The following TMCC1 variants were observed in gnomAD, a reference collection of about 807,000 sequenced individuals.
TMCC1 encodes the protein transmembrane and coiled-coil domain family 1.
TMCC1 carries 15 observed loss-of-function variants against 52.4 expected under a neutral mutation model. The observed-to-expected ratio is 0.29, with a 90% CI of 0.19 to 0.44. The LOEUF is 0.44. Among genes scored for constraint, TMCC1 ranks in the 20% least tolerant of loss-of-function variants. TMCC1 has a pLI of 1.00. For missense variants in TMCC1, 503 were observed against 806.0 expected, an observed-to-expected ratio of 0.62 and a Z score of 4.55; for synonymous variants, 279 against 301.9, an observed-to-expected ratio of 0.92 and a Z score of 0.79.
chr3:129,886,150 A>G (rs1300788439), intron 1 of TMCC1, among the ~76,000 whole-genome samples: 1 of 152,226 alleles, frequency 6.6e-6, no homozygotes, highest in African/African-American at 2.4e-5. Flanking sequence ...TCTCAGATAG[A>G]TAACTGAATG....
intron 4 of TMCC1, among the ~76,000 whole-genome samples, chr3:129,791,127 T>G (rs1402887842): frequency 7.5e-6 from 1 of 133,366 alleles, no homozygotes; most frequent in Non-Finnish European, 1.5e-5. Flanking sequence ...GGAGTCTCCC[T>G]CTGTCGCCCA....
Position 129,829,816 on chromosome 3 carries a change from T to C in TMCC1, c.-130-1308A>G, listed in dbSNP as rs72987362. On this transcript the variant is annotated intron_variant, in intron 3 of 6. Coordinates refer to ENST00000393238, the MANE Select transcript of TMCC1 (RefSeq NM_001017395.5). Reference sequence around the variant, plus strand: ...GAGTTCCCTGTGAACTCAAGGCTACTAGAGTTTAGTGGAACAGGAATGCAA... The same window carrying C: ...GAGTTCCCTGTGAACTCAAGGCTACCAGAGTTTAGTGGAACAGGAATGCAA... 8.0e-3 allele frequency among the ~76,000 whole-genome samples: 1,213 copies of C among 152,320 alleles called. 10 individuals carry two copies. The highest frequency in any genetic ancestry group is 0.027 in the African/African-American group (1,108 of 41,576).
chr3:129,805,893 C>CT (rs2057432787), intron 4 of TMCC1, among the ~76,000 whole-genome samples: 1 of 151,976 alleles, frequency 6.6e-6, no homozygotes, highest in Non-Finnish European at 1.5e-5. Flanking sequence ...GATCTCACCA[C>CT]TGCACTCCAG....
intron 4 of TMCC1, among the ~76,000 whole-genome samples, chr3:129,714,566 A>G (rs147419297): frequency 7.9e-4 from 121 of 152,334 alleles, no homozygotes; most frequent in African/African-American, 2.8e-3. Context: ...CCATACATAC[A>G]TATGTAACAA....
intron 2 of TMCC1, among the ~76,000 whole-genome samples, chr3:129,860,711 T>G (rs2060351745): frequency 6.6e-6 from 1 of 151,978 alleles, no homozygotes; most frequent in South Asian, 2.1e-4. Flanking sequence ...AGGATTCTCC[T>G]GCCTCAGCCT....
At position 129,651,536 on chromosome 3, in the gene TMCC1, T is replaced by C. The variant is rs748246277; in HGVS notation, c.1907A>G (p.Lys636Arg). 6.2e-7 allele frequency: 1 copy of C among 1,614,188 alleles called. No individual in the cohort carries two copies. Among genetic ancestry groups the C allele is most frequent in the Non-Finnish European group, 8.5e-7 (1 of 1,180,042 alleles). The stretch of plus-strand genomic sequence containing the variant: ...ATAGCTGAAGAGGGCGTCCCAGTGC[T>C]TCCAGAGAAAGGCAATAAAAACCAC... ...FLVVFIAFLWKHWDALFSYVE... is the reference protein window; with the variant it reads ...FLVVFIAFLWRHWDALFSYVE... The change falls in exon 7 of 7, where the codon AAG becomes AGG. Residue 636 changes from lysine to arginine, a missense_variant. This residue lies in a region of TMCC1 where 50 missense variants were observed against 62.6 expected (regional missense o/e 0.80). Coordinates refer to ENST00000393238, the MANE Select transcript of TMCC1 (RefSeq NM_001017395.5). This position sits in a 1 kb window ranked among gnomAD's most constrained non-coding sequence, Gnocchi z 5.1.
Position 129,746,380 on chromosome 3 carries a change from C to T in TMCC1, c.577-75116G>A, listed in dbSNP as rs184870977. On this transcript the variant is annotated intron_variant, in intron 4 of 6. Transcript: ENST00000393238. ...TTTTTAAGTACAGACGGGGTTTCAC[C>T]ATGTTGGCCAGGATGGTCTTGATCT... 3.2e-3 allele frequency among the ~76,000 whole-genome samples: 484 copies of T among 150,576 alleles called. 4 individuals carry two copies. The highest frequency in any genetic ancestry group is 3.8e-3 in the Non-Finnish European group (260 of 67,652).
intron 4 of TMCC1, among the ~76,000 whole-genome samples, chr3:129,808,652 T>C (rs2057608325): frequency 6.6e-6 from 1 of 151,608 alleles, no homozygotes; most frequent in Admixed American, 6.6e-5. Flanking sequence ...AATCATATTA[T>C]ACTACAAAGC....
At chr3:129,885,145 A>AAG (rs2061634722) in intron 1 of TMCC1, among the ~76,000 whole-genome samples, 1 of 151,406 alleles carries the variant, frequency 6.6e-6, no homozygotes, top group Non-Finnish European at 1.5e-5. Context: ...TTTCTACATA[A>AAG]ATAAGTAAAT....
intron 5 of TMCC1, chr3:129,656,744 C>T (rs535212304): frequency 6.6e-6 from 1 of 152,234 alleles, no homozygotes; most frequent in South Asian, 2.1e-4. Flanking sequence ...TGAAACTCTT[C>T]CTGTTATTGA....
chr3:129,872,916 ATTT>A (rs1359318304), intron 2 of TMCC1, among the ~76,000 whole-genome samples: 5 of 143,720 alleles, frequency 3.5e-5, no homozygotes, highest in Admixed American at 7.0e-5. Context: ...TACGCATGGA[ATTT>A]TTTTTTTTTT....
intron 4 of TMCC1, among the ~76,000 whole-genome samples, chr3:129,766,980 G>T (rs2054177334): frequency 6.6e-6 from 1 of 151,784 alleles, no homozygotes; most frequent in Admixed American, 6.6e-5. Flanking sequence ...TACAATTCAT[G>T]GCCGGGCACA....
At chr3:129,717,334 C>G (rs762776740) in intron 4 of TMCC1, among the ~76,000 whole-genome samples, 1 of 152,184 alleles carries the variant, frequency 6.6e-6, no homozygotes, top group Admixed American at 6.5e-5. Flanking sequence ...TTTCCTTTCT[C>G]CTATGAAGAA....
intron 4 of TMCC1, among the ~76,000 whole-genome samples, chr3:129,806,924 A>C (rs1015857880): frequency 6.6e-6 from 1 of 152,144 alleles, no homozygotes; most frequent in African/African-American, 2.4e-5. Context: ...AGGAAAAAAA[A>C]CCACTAAACG....
chr3:129,781,027 C>T (rs1371827125), intron 4 of TMCC1, among the ~76,000 whole-genome samples: 2 of 152,262 alleles, frequency 1.3e-5, no homozygotes, highest in South Asian at 2.1e-4. Context: ...GATACAGATA[C>T]AGTTTCATCC....
chr3:129,784,453 C>T (rs1460379966), intron 4 of TMCC1, among the ~76,000 whole-genome samples: 4 of 151,842 alleles, frequency 2.6e-5, no homozygotes, highest in Non-Finnish European at 1.5e-5. Flanking sequence ...GTAGTTCCAG[C>T]TACTTGGGAG....
chr3:129,763,872 T>C (rs1391068798), intron 4 of TMCC1, among the ~76,000 whole-genome samples: 1 of 151,740 alleles, frequency 6.6e-6, no homozygotes, highest in Non-Finnish European at 1.5e-5. Flanking sequence ...CTGTCTTAGT[T>C]TTTATTTAAT....
intron 4 of TMCC1, among the ~76,000 whole-genome samples, chr3:129,775,308 G>A (rs970543954): frequency 6.6e-6 from 1 of 151,862 alleles, no homozygotes; most frequent in African/African-American, 2.4e-5. Context: ...CAACAAAAAT[G>A]TTTTAATTAG....
intron 2 of TMCC1, among the ~76,000 whole-genome samples, chr3:129,871,614 C>G (rs942520395): frequency 6.6e-6 from 1 of 151,872 alleles, no homozygotes; most frequent in Non-Finnish European, 1.5e-5. Context: ...AGCTCTACAT[C>G]AAAATAAGCA....
Sources: gnomAD v4.1 joint callset for allele counts (sites outside exome capture counted in the v4.1 genomes callset) on GRCh38, gnomAD v4.1.1 for gene constraint, gnomAD v4.1.1 regional missense constraint, Gnocchi (gnomAD v3.1) non-coding constraint, MANE v1.5 for transcripts, NCBI Gene and HGNC (gene_info 2026-07-23, HGNC 2026-07-21) for gene names.